Variants in PHIP observed in about 807,000 individuals in gnomAD.
PHIP encodes PHIP subunit of CUL4-Ring ligase complex, also known as PH-interacting protein.
Under a neutral mutation model 236.8 loss-of-function variants are expected in PHIP, and 54 were observed. The ratio of observed to expected loss-of-function variants is 0.23; its 90% confidence interval spans 0.18 to 0.29. PHIP has a LOEUF of 0.29. Ranked by LOEUF, PHIP falls within the 10% of genes least tolerant of loss-of-function variation. The pLI, the probability that PHIP is intolerant of heterozygous loss-of-function variation, is 1.00. For synonymous variants in PHIP, 756 were observed against 718.9 expected (o/e 1.05, Z -0.83); for missense variants, 1,370 against 2,190.8 (o/e 0.63, Z 7.48).
At chr6:79,000,870 T>A (rs1046250175) in intron 17 of PHIP, among the ~76,000 whole-genome samples, 4 of 152,086 alleles carry the variant, frequency 2.6e-5, no homozygotes, top group African/African-American at 4.8e-5. Flanking sequence ...CAGGAATGAT[T>A]CCTCTAATGC....
chr6:78,941,106 C>T lies in PHIP; in HGVS notation c.5053G>A (p.Glu1685Lys), dbSNP rs1242032142. 1 of 1,613,930 alleles carries T rather than the reference C, an allele frequency of 6.2e-7. No homozygotes were observed. Among genetic ancestry groups the T allele is most frequent in the African/African-American group, 1.3e-5 (1 of 74,918 alleles). The part of the protein sequence containing the change: ...EQNNVHPIRD[E>K]VLPSSTCNFL... ...TTGCATGTTGAAGAAGGAAGTACTT[C>T]ATCTCTGATGGGATGCACATTATTT... is the stretch of plus-strand genomic sequence containing the variant. Residue 1685 changes from glutamate (E) to lysine (K), a missense_variant, in exon 40 of 40, where the codon GAA (glutamate) becomes AAA (lysine). This residue lies in a region of PHIP where 309 missense variants were observed against 328.3 expected (regional missense o/e 0.94). Transcript: ENST00000275034.
intron 4 of PHIP, among the ~76,000 whole-genome samples, chr6:79,067,229 A>G (rs1273793755): frequency 6.6e-6 from 1 of 152,066 alleles, no homozygotes; most frequent in Non-Finnish European, 1.5e-5. Context: ...CTCCTCCAAT[A>G]AGATGCAAGA....
intron 7 of PHIP, among the ~76,000 whole-genome samples, chr6:79,035,263 A>G (rs1771871371): frequency 6.6e-6 from 1 of 152,130 alleles, no homozygotes; most frequent in Admixed American, 6.5e-5. Context: ...TTGACCCCTG[A>G]GTCTTCTTGG....
chr6:79,044,754 C>T (rs1772390418), intron 6 of PHIP, among the ~76,000 whole-genome samples: 1 of 152,080 alleles, frequency 6.6e-6, no homozygotes, highest in Admixed American at 6.6e-5. Flanking sequence ...AGACCCATTT[C>T]TCGATGATTA....
rs1773754905 is a variant in PHIP at position 78,945,429 on chromosome 6, T to C, written c.4699A>G (p.Ser1567Gly). 6.2e-7 allele frequency: 1 copy of C among 1,611,308 alleles called. No homozygotes were observed. The highest frequency in any genetic ancestry group is 8.5e-7 in the Non-Finnish European group (1 of 1,177,480). ...GCAGAATTATTCCTAGTGCCATGACTAAAACTGGATTGACCAGGACTGGAA... is the reference window on the plus strand; with the variant it reads ...GCAGAATTATTCCTAGTGCCATGACCAAAACTGGATTGACCAGGACTGGAA... ...TLSSPGQSSF[S>G]HGTRNNSAKE... The change falls in exon 39 of 40, where the codon AGT becomes GGT. Residue 1567 changes from serine (S) to glycine (G), a missense_variant. Ser to Gly is a moderately conservative substitution (Grantham distance 56). Around this residue, in one of 14 missense-constraint regions of PHIP, gnomAD observed 309 missense variants for 328.3 expected, o/e 0.94. Transcript: ENST00000275034.
chr6:79,052,304 T>C (rs963964688), intron 6 of PHIP, among the ~76,000 whole-genome samples: 1 of 152,156 alleles, frequency 6.6e-6, no homozygotes, highest in African/African-American at 2.4e-5. Flanking sequence ...GGAAACAGCA[T>C]GTGCAATAGC....
chr6:79,049,773 A>C (rs1772692510), intron 6 of PHIP, among the ~76,000 whole-genome samples: 1 of 152,204 alleles, frequency 6.6e-6, no homozygotes, highest in South Asian at 2.1e-4. Flanking sequence ...TCAGAGAGTA[A>C]TGTCTATAAA....
chr6:79,078,155 CAGTG>C lies in PHIP; in HGVS notation c.-91_-88del. 1 of 1,352,580 alleles carries C rather than the reference CAGTG, an allele frequency of 7.4e-7. No individual in the cohort carries two copies. The highest frequency in any genetic ancestry group is 1.0e-6 in the Non-Finnish European group (1 of 967,106). 83.8% of individuals were successfully genotyped at this position (1,352,580 alleles called of 1,614,324 possible). A position where few individuals can be genotyped will look rare whatever the true frequency, so the allele number is the denominator to read the frequency against. On this transcript the variant is annotated 5_prime_UTR_variant, in exon 1 of 40. Transcript: ENST00000275034. ...GTGCCGCCGCCTGCCCTATAGCTGT[CAGTG>C]TGTGTTCACGAGCCGAGCTTCGGCT...
At chr6:79,077,995 C>A in intron 1 of PHIP, 34 bp downstream of exon 1, 1 of 1,606,434 alleles carries the variant, frequency 6.2e-7, no homozygotes, top group Non-Finnish European at 8.5e-7. Flanking sequence ...CGGAATCGCC[C>A]GGTGCCAGCG....
intron 6 of PHIP, among the ~76,000 whole-genome samples, chr6:79,049,545 T>G (rs1012623311): frequency 6.6e-6 from 1 of 152,298 alleles, no homozygotes; most frequent in Non-Finnish European, 1.5e-5. Context: ...CATTTTAATC[T>G]CCACCATCTG....
intron 24 of PHIP, among the ~76,000 whole-genome samples, chr6:78,977,623 C>A (rs1768201969): frequency 6.6e-6 from 1 of 151,974 alleles, no homozygotes; most frequent in Admixed American, 6.6e-5. Context: ...GACAACCTAA[C>A]CATTTTGAAA....
intron 4 of PHIP, among the ~76,000 whole-genome samples, chr6:79,070,197 A>G (rs1343585992): frequency 6.6e-6 from 1 of 152,228 alleles, no homozygotes; most frequent in Non-Finnish European, 1.5e-5. Context: ...TTAAGTCGTC[A>G]TATGTGCTAA....
intron 35 of PHIP, among the ~76,000 whole-genome samples, chr6:78,950,473 T>G (rs1008837867): frequency 7.2e-5 from 11 of 152,314 alleles, no homozygotes; most frequent in African/African-American, 2.4e-4. Flanking sequence ...CATCCAGGAC[T>G]AGACATTTGT....
At chr6:79,069,615 A>G (rs1773790938) in intron 4 of PHIP, among the ~76,000 whole-genome samples, 1 of 152,128 alleles carries the variant, frequency 6.6e-6, no homozygotes. Context: ...TTATTATGTT[A>G]CAGCTTCCTT....
In PHIP at chr6:78,978,592, C is replaced by T; in HGVS notation, c.2889G>A (p.Glu963=). 1 of 1,581,880 alleles carries T rather than the reference C, an allele frequency of 6.3e-7. No individual in the cohort carries two copies. Among genetic ancestry groups the T allele is most frequent in the Non-Finnish European group, 8.6e-7 (1 of 1,159,142 alleles). ...RCPFVPQMGD[E]VYYFRQGHEA... The stretch of plus-strand genomic sequence containing the variant: ...GGATAATTTAAAACTTTTAAAGTAC[C>T]TCATCACCCATCTGTGGCACAAATG... Residue 963 remains glutamate (E), a splice_region_variant and synonymous_variant, in exon 24 of 40, where the codon GAG becomes GAA. Coordinates refer to ENST00000275034, the MANE Select transcript of PHIP (RefSeq NM_017934.7).
chr6:78,997,656 A>C, intron 18 of PHIP, 59 bp from the exon 19 acceptor site: 2 of 1,328,030 alleles, frequency 1.5e-6, no homozygotes, highest in Non-Finnish European at 2.1e-6. Context: ...ATTAGTTTAT[A>C]ACAGAAAAAA....
intron 35 of PHIP, among the ~76,000 whole-genome samples, chr6:78,953,417 C>T (rs1269528311): frequency 1.3e-5 from 2 of 152,056 alleles, no homozygotes; most frequent in African/African-American, 4.8e-5. Context: ...AGAATACAAA[C>T]GCTTAAAACA....
chr6:78,960,466 T>TC (rs984534600), intron 31 of PHIP, among the ~76,000 whole-genome samples: 7 of 151,072 alleles, frequency 4.6e-5, no homozygotes, highest in African/African-American at 7.3e-5. Context: ...TTTTTTTTTT[T>TC]CTCTTAAACT....
At chr6:78,991,852 A>T (rs557713830) in intron 19 of PHIP, among the ~76,000 whole-genome samples, 1 of 148,746 alleles carries the variant, frequency 6.7e-6, no homozygotes, top group East Asian at 1.9e-4. Context: ...TTTTGTTCTT[A>T]ATTTTTTTTT....
Sources: allele counts gnomAD v4.1 joint callset (sites outside exome capture counted in the v4.1 genomes callset), GRCh38; gene constraint gnomAD v4.1.1; regional missense constraint gnomAD v4.1.1; transcripts MANE v1.5; gene names NCBI Gene and HGNC (gene_info 2026-07-23, HGNC 2026-07-21).